The following SGCZ variants were observed in gnomAD, a reference collection of about 807,000 sequenced individuals.
SGCZ encodes sarcoglycan zeta.
SGCZ carries 40 observed loss-of-function variants against 41.3 expected under a neutral mutation model. That is an observed-to-expected ratio of 0.97 (90% CI 0.75 to 1.26). SGCZ has a LOEUF of 1.26. SGCZ is among the 50% of genes most tolerant of loss of function. SGCZ has a pLI of 0.00. For synonymous variants in SGCZ, 206 were observed against 137.5 expected (o/e 1.50, Z -3.49); for missense variants, 552 against 369.8 (o/e 1.49, Z -4.04).
intron 1 of SGCZ, among the ~76,000 whole-genome samples, chr8:15,097,834 ACG>A (rs1416348015): frequency 2.8e-3 from 107 of 38,656 alleles, no homozygotes; most frequent in African/African-American, 5.7e-3. Flanking sequence ...ATATATATAT[ACG>A]TGTGTGTATA....
intron 1 of SGCZ, among the ~76,000 whole-genome samples, chr8:15,190,222 G>A (rs1355304210): frequency 6.6e-6 from 1 of 152,120 alleles, no homozygotes; most frequent in Non-Finnish European, 1.5e-5. Context: ...TTATGGTAAA[G>A]CTTGTTATAC....
intron 1 of SGCZ, among the ~76,000 whole-genome samples, chr8:15,080,346 T>C (rs997316773): frequency 5.9e-5 from 9 of 152,052 alleles, no homozygotes; most frequent in African/African-American, 2.2e-4. Context: ...TGACCTAACC[T>C]ACATGCACTC....
chr8:14,881,752 C>T (rs1472190061), intron 1 of SGCZ, among the ~76,000 whole-genome samples: 3 of 152,322 alleles, frequency 2.0e-5, no homozygotes, highest in African/African-American at 7.2e-5. Context: ...CAACAGAATT[C>T]TCCATCCAAA....
At chr8:14,478,153 G>C (rs1265910240) in intron 2 of SGCZ, among the ~76,000 whole-genome samples, 1 of 152,164 alleles carries the variant, frequency 6.6e-6, no homozygotes, top group Non-Finnish European at 1.5e-5. Context: ...ACAAAACTAA[G>C]CATAATCTTA....
At chr8:14,800,827 T>A (rs1275446526) in intron 1 of SGCZ, among the ~76,000 whole-genome samples, 1 of 152,128 alleles carries the variant, frequency 6.6e-6, no homozygotes, top group South Asian at 2.1e-4. Context: ...TACACTATAC[T>A]ACTCAACATT....
intron 1 of SGCZ, among the ~76,000 whole-genome samples, chr8:14,812,062 G>A (rs1295517687): frequency 1.3e-5 from 2 of 151,780 alleles, no homozygotes; most frequent in Non-Finnish European, 2.9e-5. Context: ...TATAGTAAAG[G>A]ATCAGCAAAT....
intron 1 of SGCZ, among the ~76,000 whole-genome samples, chr8:14,590,280 A>G (rs898917614): frequency 6.6e-6 from 1 of 152,122 alleles, no homozygotes; most frequent in Non-Finnish European, 1.5e-5. Context: ...TAAATTCCTT[A>G]GCACATAAAC....
chr8:14,278,180 T>A (rs117076961), intron 3 of SGCZ, among the ~76,000 whole-genome samples: 2 of 152,094 alleles, frequency 1.3e-5, no homozygotes, highest in African/African-American at 4.8e-5. Flanking sequence ...ATTACCCTCA[T>A]AAAATTGCCT....
intron 1 of SGCZ, among the ~76,000 whole-genome samples, chr8:14,656,521 CTTTTCTTTCTT>C (rs1273287783): frequency 1.4e-5 from 2 of 145,552 alleles, no homozygotes; most frequent in South Asian, 2.2e-4. Context: ...CCTTCCTTTT[CTTTTCTTTCTT>C]TTTTCTTTCT....
At chr8:14,774,589 A>T (rs1800343990) in intron 1 of SGCZ, among the ~76,000 whole-genome samples, 1 of 152,162 alleles carries the variant, frequency 6.6e-6, no homozygotes, top group Non-Finnish European at 1.5e-5. Flanking sequence ...AGCTTTAAAA[A>T]CAAATCTGCA....
At chr8:14,396,261 T>C (rs746066631) in intron 2 of SGCZ, among the ~76,000 whole-genome samples, 2 of 152,210 alleles carry the variant, frequency 1.3e-5, no homozygotes, top group Non-Finnish European at 2.9e-5. Context: ...AGGTAAGGAC[T>C]TAAAATGAAC....
intron 1 of SGCZ, among the ~76,000 whole-genome samples, chr8:15,227,258 T>C (rs987954244): frequency 3.3e-5 from 5 of 152,228 alleles, no homozygotes; most frequent in African/African-American, 9.6e-5. Context: ...ATTTTATGTA[T>C]AAACAGAATT....
At chr8:14,624,552 A>ATTATTATTATTT (rs1563161288) in intron 1 of SGCZ, among the ~76,000 whole-genome samples, 1 of 34,142 alleles carries the variant, frequency 2.9e-5, no homozygotes, top group Admixed American at 4.5e-4. Flanking sequence ...TTTTATTATT[A>ATTATTATTATTT]TTATTTTTTT....
At chr8:14,255,960 CAT>C (rs932875375) in intron 3 of SGCZ, among the ~76,000 whole-genome samples, 61 of 151,946 alleles carry the variant, frequency 4.0e-4, no homozygotes, top group African/African-American at 9.2e-4. Context: ...AAAACTGCCA[CAT>C]GTTTCATTAT....
intron 1 of SGCZ, among the ~76,000 whole-genome samples, chr8:14,667,227 T>A (rs951881657): frequency 2.0e-5 from 3 of 152,180 alleles, no homozygotes; most frequent in African/African-American, 7.2e-5. Context: ...ATTCCTAAAC[T>A]AATTTCTCAG....
chr8:14,543,708 G>T (rs548979524), intron 2 of SGCZ, among the ~76,000 whole-genome samples: 3 of 152,120 alleles, frequency 2.0e-5, no homozygotes, highest in African/African-American at 7.2e-5. Flanking sequence ...TATTTAGTAC[G>T]GGCAAGGCAA....
intron 1 of SGCZ, among the ~76,000 whole-genome samples, chr8:15,218,756 G>C (rs1801498044): frequency 6.6e-6 from 1 of 152,154 alleles, no homozygotes; most frequent in African/African-American, 2.4e-5. Flanking sequence ...TGGATGGATA[G>C]TTCTGTGTGA....
At chr8:14,444,985 T>A (rs1800391220) in intron 2 of SGCZ, among the ~76,000 whole-genome samples, 2 of 152,206 alleles carry the variant, frequency 1.3e-5, no homozygotes, top group Non-Finnish European at 2.9e-5. Flanking sequence ...GACGCTTCAC[T>A]GACTCCATTA....
chr8:14,831,908 A>G (rs570560501), intron 1 of SGCZ, among the ~76,000 whole-genome samples: 15 of 152,024 alleles, frequency 9.9e-5, no homozygotes, highest in African/African-American at 3.4e-4. Flanking sequence ...TTGTGTATAC[A>G]CACACAAACA....
Sources: allele counts gnomAD v4.1 joint callset (sites outside exome capture counted in the v4.1 genomes callset), GRCh38; gene constraint gnomAD v4.1.1; transcripts MANE v1.5; gene names NCBI Gene and HGNC (gene_info 2026-07-23, HGNC 2026-07-21).